Variants in KCNQ1 observed in about 807,000 individuals in gnomAD.
KCNQ1 encodes the protein potassium voltage-gated channel subfamily Q member 1.
KCNQ1 carries 49 observed loss-of-function variants against 72.4 expected under a neutral mutation model. That is an observed-to-expected ratio of 0.68 (90% CI 0.54 to 0.86). The LOEUF (loss-of-function observed/expected upper bound fraction) is 0.86, where lower values mean the gene tolerates loss of function less well. Among genes scored for constraint, KCNQ1 ranks in the 40% least tolerant of loss-of-function variants. The pLI is 0.00. For synonymous variants in KCNQ1, 450 were observed against 412.6 expected, an observed-to-expected ratio of 1.09 and a Z score of -1.10; for missense variants, 790 against 945.1, an observed-to-expected ratio of 0.84 and a Z score of 2.15.
Position 2,664,332 on chromosome 11 carries a change from C to A in KCNQ1, c.1514+2251C>A. 2.5e-6 allele frequency: 1 copy of A among 398,894 alleles called. No individual in the cohort carries two copies. Among genetic ancestry groups the A allele is most frequent in the Non-Finnish European group, 4.4e-6 (1 of 226,264 alleles). The allele number at this position is 398,894 out of a possible 1,614,324, so 24.7% of individuals were successfully genotyped here. On this transcript the variant is annotated intron_variant, in intron 11 of 15. Transcript: ENST00000155840. This position sits in a 1 kb window ranked among gnomAD's most constrained non-coding sequence, Gnocchi z 5.1. ...GGTCAGGGAAGACTCAGGGCTGAGG[C>A]TTCAGGGGAGCTGGGTTCCTGCATC...
Position 2,563,717 on chromosome 11 carries a change from G to A in KCNQ1, c.478-6911G>A, listed in dbSNP as rs534091795. On this transcript the variant is annotated intron_variant, in intron 2 of 15. Transcript: ENST00000155840. This position sits in a 1 kb window ranked among gnomAD's most constrained non-coding sequence, Gnocchi z 7.4. ...ACCATTCAACATAAGTCTTGTCAGCGTTCCGATGAAACAAGATTAGGGGAA... is the reference window on the plus strand; with the variant it reads ...ACCATTCAACATAAGTCTTGTCAGCATTCCGATGAAACAAGATTAGGGGAA... 1.3e-4 allele frequency among the ~76,000 whole-genome samples: 20 copies of A among 152,296 alleles called. No homozygotes were observed. The highest frequency in any genetic ancestry group is 5.8e-4 in the East Asian group (3 of 5,184).
intron 15 of KCNQ1, among the ~76,000 whole-genome samples, chr11:2,778,858 C>T (rs1028240121): frequency 6.6e-6 from 1 of 152,212 alleles, no homozygotes; most frequent in African/African-American, 2.4e-5. Context: ...GCTTCCATCT[C>T]GGCTGCAGCC....
chr11:2,551,875 A>G (rs1847988263), intron 2 of KCNQ1, among the ~76,000 whole-genome samples: 1 of 152,238 alleles, frequency 6.6e-6, no homozygotes, highest in African/African-American at 2.4e-5. Flanking sequence ...TTTGCCATTC[A>G]TATATCTCCT....
chr11:2,466,780 CCTCCCTTGG>C (rs1564788982), intron 1 of KCNQ1, among the ~76,000 whole-genome samples: 2 of 151,990 alleles, frequency 1.3e-5, no homozygotes, highest in East Asian at 3.9e-4. Context: ...TGTTCCTTAG[CCTCCCTTGG>C]CCTCAGTCAT....
rs565257623 is a variant in KCNQ1 at position 2,547,397 on chromosome 11, A to AT, written c.477+19387dup. Among the ~76,000 whole-genome samples the AT allele has an allele frequency of 2.0e-4, 31 of 151,592 alleles. No homozygotes were observed. The highest frequency in any genetic ancestry group is 1.4e-3 in the East Asian group (7 of 5,148). On this transcript the variant is annotated intron_variant, in intron 2 of 15. Coordinates refer to ENST00000155840, the MANE Select transcript of KCNQ1 (RefSeq NM_000218.3). The surrounding 1 kb of genome is among the most constrained non-coding windows in gnomAD (Gnocchi z 4.2). ...AGGTGGGCGCCACCACACCTGGCTA[A>AT]TTTTTTTTGTATTATTAGTAGAGAC...
At chr11:2,510,836 T>A (rs1299574295) in intron 1 of KCNQ1, among the ~76,000 whole-genome samples, 1 of 152,188 alleles carries the variant, frequency 6.6e-6, no homozygotes, top group East Asian at 1.9e-4. Flanking sequence ...GATCACAGTG[T>A]GAGCGAATCT....
chr11:2,662,128 G>A (rs977665325), intron 11 of KCNQ1, 47 bp downstream of exon 11: 1 of 1,612,466 alleles, frequency 6.2e-7, no homozygotes, highest in Non-Finnish European at 8.5e-7. Context: ...GGGGACTGGA[G>A]CTCAAGGAGT....
intron 11 of KCNQ1, chr11:2,694,686 A>ATGCT (rs1166668426): frequency 3.8e-5 from 15 of 398,532 alleles, no homozygotes; most frequent in Non-Finnish European, 6.6e-5. Context: ...GAAGACAGAT[A>ATGCT]TGCTCTCTTG....
rs1846409280 is a variant in KCNQ1, at chr11:2,762,177, C to G, written c.1515-6667C>G. 6.6e-6 allele frequency among the ~76,000 whole-genome samples: 1 copy of G among 152,206 alleles called. No homozygotes were observed. The highest frequency in any genetic ancestry group is 6.5e-5 in the Admixed American group (1 of 15,284). On this transcript the variant is annotated intron_variant, in intron 11 of 15. Transcript: ENST00000155840. The surrounding 1 kb of genome is among the most constrained non-coding windows in gnomAD (Gnocchi z 4.3). ...TAATAGTTCCTCTCGTGTGTCAGGCCTGGGAGGGGGGCCTTCATGAGACCA... is the reference window on the plus strand; with the variant it reads ...TAATAGTTCCTCTCGTGTGTCAGGCGTGGGAGGGGGGCCTTCATGAGACCA...
intron 15 of KCNQ1, among the ~76,000 whole-genome samples, chr11:2,814,118 A>G (rs1255846091): frequency 7.0e-6 from 1 of 143,716 alleles, no homozygotes; most frequent in Non-Finnish European, 1.5e-5. Flanking sequence ...GGGATGAATA[A>G]AGGGATGGGT....
chr11:2,715,187 C>T lies in KCNQ1; in HGVS notation c.1514+53106C>T, dbSNP rs1016896745. ...CTCAGCATGGGCACCCCATGCCACCCGCTCCATTTACAGCCAAGGAGCCTC... is the reference window on the plus strand; with the variant it reads ...CTCAGCATGGGCACCCCATGCCACCTGCTCCATTTACAGCCAAGGAGCCTC... On this transcript the variant is annotated intron_variant, in intron 11 of 15. Coordinates refer to ENST00000155840, the MANE Select transcript of KCNQ1 (RefSeq NM_000218.3). This position sits in a 1 kb window ranked among gnomAD's most constrained non-coding sequence, Gnocchi z 4.9. Among the ~76,000 whole-genome samples, 6 of 152,172 alleles carry T rather than the reference C, an allele frequency of 3.9e-5. No individual in the cohort carries two copies. Among genetic ancestry groups the T allele is most frequent in the Non-Finnish European group, 8.8e-5 (6 of 68,032 alleles).
chr11:2,662,465 C>T (rs1042232676), intron 11 of KCNQ1: 22 of 466,342 alleles, frequency 4.7e-5, no homozygotes, highest in Admixed American at 1.5e-4. Flanking sequence ...GGGCAGATGC[C>T]GGGTGCAGTC....
rs1845725791 is a variant in KCNQ1, at chr11:2,724,621, T to C, written c.1515-44223T>C. On this transcript the variant is annotated intron_variant, in intron 11 of 15. Transcript: ENST00000155840. The surrounding 1 kb of genome is among the most constrained non-coding windows in gnomAD (Gnocchi z 6.8). ...ACACAGCTTCTCCCCTTGGGTGCCATTGCAGCTGCACCCAAGCCTTGCCCT... is the reference window on the plus strand; with the variant it reads ...ACACAGCTTCTCCCCTTGGGTGCCACTGCAGCTGCACCCAAGCCTTGCCCT... Among the ~76,000 whole-genome samples the C allele has an allele frequency of 6.6e-6, 1 of 152,310 alleles. No individual in the cohort carries two copies. Among genetic ancestry groups the C allele is most frequent in the South Asian group, 2.1e-4 (1 of 4,830 alleles).
chr11:2,805,316 C>G, intron 15 of KCNQ1, among the ~76,000 whole-genome samples: 1 of 152,340 alleles, frequency 6.6e-6, no homozygotes, highest in South Asian at 2.1e-4. Flanking sequence ...AAGCTGCTAC[C>G]AGACAGCAAG....
chr11:2,446,254 C>T lies in KCNQ1; in HGVS notation c.386+770C>T, dbSNP rs1329113777. On this transcript the variant is annotated intron_variant, in intron 1 of 15. Transcript: ENST00000155840. This position sits in a 1 kb window ranked among gnomAD's most constrained non-coding sequence, Gnocchi z 8.8. ...AGGGACAGGCCTGGGAAGTCACCTC[C>T]GGGAAGGTCCAGGCTGCTCTCCTCC... 6.6e-6 allele frequency among the ~76,000 whole-genome samples: 1 copy of T among 152,168 alleles called. No individual in the cohort carries two copies. The highest frequency in any genetic ancestry group is 1.9e-4 in the East Asian group (1 of 5,172).
At chr11:2,546,629 G>A (rs1208171157) in intron 2 of KCNQ1, among the ~76,000 whole-genome samples, 1 of 150,510 alleles carries the variant, frequency 6.6e-6, no homozygotes, top group East Asian at 1.9e-4. Context: ...TTTGTTTAAT[G>A]TATTTTATTT....
intron 15 of KCNQ1, among the ~76,000 whole-genome samples, chr11:2,788,531 C>T (rs947594597): frequency 2.6e-5 from 4 of 151,914 alleles, no homozygotes; most frequent in Admixed American, 6.6e-5. Context: ...TCGGCAGCTC[C>T]CCCTCCCCTC....
In KCNQ1 at chr11:2,610,716, C is replaced by CTTTTTTTTTTTTTTTT. The variant is rs1167505141; in HGVS notation, c.1393+21876_1393+21891dup. 42 of 230,172 alleles carry CTTTTTTTTTTTTTTTT rather than the reference C, an allele frequency of 1.8e-4. 1 individual carries two copies. The highest frequency in any genetic ancestry group is 4.6e-4 in the African/African-American group (10 of 21,578). 14.3% of individuals were successfully genotyped at this position (230,172 alleles called of 1,614,324 possible). On this transcript the variant is annotated intron_variant, in intron 10 of 15. Coordinates refer to ENST00000155840, the MANE Select transcript of KCNQ1 (RefSeq NM_000218.3). ...TTCTGGACACAGTATTCTTGGTTGG[C>CTTTTTTTTTTTTTTTT]TTTTTTTTTTTTTTTTTTTTTTTTT...
Position 2,592,274 on chromosome 11 carries a change from T to A in KCNQ1, c.1393+3420T>A, listed in dbSNP as rs933313479. Among the ~76,000 whole-genome samples the A allele has an allele frequency of 6.6e-6, 1 of 152,214 alleles. No homozygotes were observed. Among genetic ancestry groups the A allele is most frequent in the Non-Finnish European group, 1.5e-5 (1 of 68,028 alleles). On this transcript the variant is annotated intron_variant, in intron 10 of 15. Coordinates refer to ENST00000155840, the MANE Select transcript of KCNQ1 (RefSeq NM_000218.3). The surrounding 1 kb of genome is among the most constrained non-coding windows in gnomAD (Gnocchi z 5.2). ...GGGAACTCCTGAGGACACCTGTGTG[T>A]CCTGACACCTCACTGAGCCTGTCGA...
Sources: allele counts gnomAD v4.1 joint callset (sites outside exome capture counted in the v4.1 genomes callset), GRCh38; gene constraint gnomAD v4.1.1; non-coding constraint Gnocchi (gnomAD v3.1); transcripts MANE v1.5; gene names NCBI Gene and HGNC (gene_info 2026-07-23, HGNC 2026-07-21).